The following VWF variants were observed in gnomAD, a reference collection of about 807,000 sequenced individuals.
VWF encodes Factor VIII related antigen.
A neutral mutation model predicts 308.6 loss-of-function variants in VWF; 176 were observed. That is an observed-to-expected ratio of 0.57 (90% CI 0.50 to 0.65). The LOEUF (loss-of-function observed/expected upper bound fraction) is 0.65, where lower values mean the gene tolerates loss of function less well. VWF is among the 30% of genes least tolerant of loss of function. The probability of loss-of-function intolerance (pLI) is 0.00; values close to 1 mark genes in which losing one functional copy is unlikely to be tolerated. For missense variants in VWF, 3,146 were observed against 3,648.2 expected, an observed-to-expected ratio of 0.86 and a Z score of 3.55; for synonymous variants, 1,385 against 1,443.4, an observed-to-expected ratio of 0.96 and a Z score of 0.92.
intron 50 of VWF, among the ~76,000 whole-genome samples, chr12:5,951,313 G>A (rs143986363): frequency 6.6e-6 from 1 of 152,154 alleles, no homozygotes; most frequent in Non-Finnish European, 1.5e-5. Context: ...TGAAGAAGAG[G>A]GGGTGATAAA....
chr12:6,108,759 A>G (rs1248228288), intron 5 of VWF, among the ~76,000 whole-genome samples: 2 of 152,076 alleles, frequency 1.3e-5, no homozygotes, highest in Non-Finnish European at 2.9e-5. Flanking sequence ...AGGGGGGCAG[A>G]TCACGAGGTC....
At position 5,953,488 on chromosome 12, in the gene VWF, G is replaced by C. The variant is rs781084053; in HGVS notation, c.7986+8C>G. The C allele has an allele frequency of 1.9e-6, 3 of 1,613,076 alleles. No homozygotes were observed. Among genetic ancestry groups the C allele is most frequent in the Non-Finnish European group, 2.5e-6 (3 of 1,179,142 alleles). ...TGTGAGGGAGCCCTGCATTCAGCTTGCTCCTACCTTCAGTGTCATGATCTG... is the reference window on the plus strand; with the variant it reads ...TGTGAGGGAGCCCTGCATTCAGCTTCCTCCTACCTTCAGTGTCATGATCTG... On this transcript the variant is annotated splice_region_variant and intron_variant, in intron 48 of 51. Coordinates refer to ENST00000261405, the MANE Select transcript of VWF (RefSeq NM_000552.5).
At chr12:6,067,223 C>T (rs529056548) in intron 10 of VWF, among the ~76,000 whole-genome samples, 1 of 152,276 alleles carries the variant, frequency 6.6e-6, no homozygotes, top group South Asian at 2.1e-4. Flanking sequence ...TTTGAACTGA[C>T]CATTTTTCAG....
At chr12:6,039,580 C>T (rs1207251090) in intron 18 of VWF, among the ~76,000 whole-genome samples, 1 of 152,210 alleles carries the variant, frequency 6.6e-6, no homozygotes. Flanking sequence ...TTATGAGGTT[C>T]CGCTTTTTTT....
intron 5 of VWF, among the ~76,000 whole-genome samples, chr12:6,104,147 C>G (rs1481128666): frequency 6.6e-6 from 1 of 151,930 alleles, no homozygotes; most frequent in African/African-American, 2.4e-5. Context: ...GGAAGACATA[C>G]AAATATCTGA....
At chr12:5,961,611 T>C (rs1943317751) in intron 47 of VWF, among the ~76,000 whole-genome samples, 1 of 147,996 alleles carries the variant, frequency 6.8e-6, no homozygotes, top group African/African-American at 2.5e-5. Flanking sequence ...AAAAACACTA[T>C]TACTACAACT....
Position 6,011,803 on chromosome 12 carries a change from G to A in VWF, c.5665-9C>T. On this transcript the variant is annotated splice_polypyrimidine_tract_variant and intron_variant, in intron 33 of 51. Coordinates refer to ENST00000261405, the MANE Select transcript of VWF (RefSeq NM_000552.5). ...GTCCAGACGTCCCCGGGCTGCAGAAGAAAACAGCAGATTCAGGCAGGGAAT... is the reference window on the plus strand; with the variant it reads ...GTCCAGACGTCCCCGGGCTGCAGAAAAAAACAGCAGATTCAGGCAGGGAAT... The A allele has an allele frequency of 6.3e-7, 1 of 1,598,304 alleles. No individual in the cohort carries two copies. Among genetic ancestry groups the A allele is most frequent in the Non-Finnish European group, 8.6e-7 (1 of 1,166,632 alleles).
Position 6,016,552 on chromosome 12 carries a change from C to T in VWF, c.5275G>A (p.Asp1759Asn), listed in dbSNP as rs763549909. Residue 1759 changes from aspartate (D) to asparagine (N), a missense_variant, in exon 30 of 52, where the codon GAC (aspartate) becomes AAC (asparagine). Transcript: ENST00000261405. ...PEKAHLLSLV[D>N]VMQREGGPSQ... is the part of the protein sequence containing the mutation. ...GGGCCTCCCTCCCGCTGCATGACGT[C>T]CACAAGGCTCAGCAAATGGGCTTTC... The T allele has an allele frequency of 5.6e-6, 9 of 1,614,222 alleles. No homozygotes were observed. In the South Asian group the frequency reaches 8.8e-5, roughly 16 times the overall value.
intron 32 of VWF, among the ~76,000 whole-genome samples, chr12:6,012,949 C>T (rs1048357719): frequency 1.3e-5 from 2 of 152,130 alleles, no homozygotes; most frequent in Non-Finnish European, 2.9e-5. Context: ...GATCCGCCCG[C>T]CTCGGCCTCC....
At position 5,996,080 on chromosome 12, in the gene VWF, A is replaced by T; in HGVS notation, c.5985T>A (p.Pro1995=). The T allele has an allele frequency of 6.2e-7, 1 of 1,614,026 alleles. No individual in the cohort carries two copies. The highest frequency in any genetic ancestry group is 8.5e-7 in the Non-Finnish European group (1 of 1,180,010). ...EVILHNGACS[P]GARQGCMKSI... Reference sequence around the variant, plus strand: ...ATTTCATGCAGCCCTGCCTTGCTCCAGGGCTGCAGGCACCATTATGGAGAA... The same window carrying T: ...ATTTCATGCAGCCCTGCCTTGCTCCTGGGCTGCAGGCACCATTATGGAGAA... The change falls in exon 35 of 52, where the codon CCT becomes CCA. Residue 1995 remains proline (P), a synonymous_variant. Transcript: ENST00000261405.
At chr12:5,982,613 C>A (rs1328796029) in intron 41 of VWF, among the ~76,000 whole-genome samples, 2 of 152,174 alleles carry the variant, frequency 1.3e-5, no homozygotes, top group Non-Finnish European at 2.9e-5. Flanking sequence ...GTGTCCACAT[C>A]AGCAGGACAA....
rs1382987602 is a variant in VWF, at chr12:6,022,766, T to C, written c.3512A>G (p.Glu1171Gly). 2.0e-6 allele frequency: 1 copy of C among 511,692 alleles called. No homozygotes were observed. The highest frequency in any genetic ancestry group is 3.1e-5 in the East Asian group (1 of 31,902). The allele number at this position is 511,692 out of a possible 1,614,324, so 31.7% of individuals were successfully genotyped here. ...TGGAGGGCAGTGGGCATGGCAGCCC[T>C]CCACACACTGCACAGGGCAGGCCAG... ...EPLACPVQCV[E>G]GCHAHCPPGK... The change falls in exon 26 of 52, where the codon GAG becomes GGG. Residue 1171 changes from glutamate to glycine, a missense_variant. Glu to Gly is a moderately conservative substitution (Grantham distance 98, BLOSUM62 -2). This residue lies in a region of VWF where 853 missense variants were observed against 1,177.8 expected (regional missense o/e 0.72). Coordinates refer to ENST00000261405, the MANE Select transcript of VWF (RefSeq NM_000552.5).
chr12:6,023,277 A>G (rs1944150516), intron 25 of VWF, among the ~76,000 whole-genome samples: 1 of 152,172 alleles, frequency 6.6e-6, no homozygotes, highest in Admixed American at 6.5e-5. Context: ...AAGATTCTAT[A>G]GACATGAATG....
At chr12:5,989,412 C>T (rs1430534244) in intron 38 of VWF, among the ~76,000 whole-genome samples, 1 of 151,552 alleles carries the variant, frequency 6.6e-6, no homozygotes, top group South Asian at 2.1e-4. Context: ...GGTTTTTATT[C>T]TTTCTCTGCT....
In VWF at chr12:6,063,027, G is replaced by A. The variant is rs780016761; in HGVS notation, c.1460C>T (p.Thr487Met). The A allele has an allele frequency of 2.1e-5, 34 of 1,613,558 alleles. No individual in the cohort carries two copies. Among genetic ancestry groups the A allele is most frequent in the Middle Eastern group, 1.6e-4 (1 of 6,084 alleles). Residue 487 changes from threonine (T) to methionine (M), a missense_variant, in exon 13 of 52, where the codon ACG becomes ATG. Physicochemically the swap from Thr to Met is moderately conservative, Grantham distance 81. Transcript: ENST00000261405. The surrounding 1 kb of genome is among the most constrained non-coding windows in gnomAD (Gnocchi z 4.9). ...CCCGTAGCTGAGGCGCACGGAGGCC[G>A]TCACTGTATGCTGGATGCGGAGGTC... Reference protein sequence around the residue: ...KGDLRIQHTVTASVRLSYGED... With the variant: ...KGDLRIQHTVMASVRLSYGED...
intron 8 of VWF, 36 bp downstream of exon 8, chr12:6,073,583 G>A: frequency 1.9e-6 from 3 of 1,613,472 alleles, no homozygotes; most frequent in Non-Finnish European, 2.5e-6. Flanking sequence ...TGCTGGCAAG[G>A]TCTCTGATCT....
chr12:5,986,100 A>G (rs1179329894), intron 38 of VWF, among the ~76,000 whole-genome samples: 1 of 151,730 alleles, frequency 6.6e-6, no homozygotes, highest in East Asian at 1.9e-4. Context: ...AAAGCATCAC[A>G]TTCTTGATGC....
chr12:5,970,742 C>T (rs117267920), intron 44 of VWF, among the ~76,000 whole-genome samples: 1,587 of 152,262 alleles, frequency 0.01, 10 homozygotes, highest in Non-Finnish European at 0.017. Context: ...GATAGCAGAC[C>T]TTTGGCCTTC....
At chr12:6,082,538 A>G (rs549866812) in intron 6 of VWF, among the ~76,000 whole-genome samples, 1 of 152,350 alleles carries the variant, frequency 6.6e-6, no homozygotes, top group East Asian at 1.9e-4. Context: ...GTTTCTCCCT[A>G]CATAATGAAC....
Sources: allele counts gnomAD v4.1 joint callset (sites outside exome capture counted in the v4.1 genomes callset), GRCh38; gene constraint gnomAD v4.1.1; regional missense constraint gnomAD v4.1.1; non-coding constraint Gnocchi (gnomAD v3.1); transcripts MANE v1.5; gene names NCBI Gene and HGNC (gene_info 2026-07-23, HGNC 2026-07-21).